The following ATP8A2 variants were observed in gnomAD, a reference collection of about 807,000 sequenced individuals.
The protein encoded by ATP8A2 is ATPase phospholipid transporting 8A2.
Under a neutral mutation model 165.6 loss-of-function variants are expected in ATP8A2, and 100 were observed. The ratio of observed to expected loss-of-function variants is 0.60; its 90% confidence interval spans 0.51 to 0.71. The LOEUF (loss-of-function observed/expected upper bound fraction) is 0.71. Among genes scored for constraint, ATP8A2 ranks in the 30% least tolerant of loss-of-function variants. ATP8A2 has a pLI of 0.00. For synonymous variants in ATP8A2, 543 were observed against 548.8 expected, an observed-to-expected ratio of 0.99 and a Z score of 0.15; for missense variants, 1,227 against 1,479.5, an observed-to-expected ratio of 0.83 and a Z score of 2.80.
At chr13:25,784,926 C>T (rs532823915) in intron 27 of ATP8A2, among the ~76,000 whole-genome samples, 35 of 151,806 alleles carry the variant, frequency 2.3e-4, no homozygotes, top group Non-Finnish European at 4.4e-4. Context: ...CCACCACGCC[C>T]GGCTAATTTT....
intron 30 of ATP8A2, among the ~76,000 whole-genome samples, chr13:25,856,880 T>C (rs1952180943): frequency 6.6e-6 from 1 of 152,226 alleles, no homozygotes; most frequent in Non-Finnish European, 1.5e-5. Flanking sequence ...ACACGACTAG[T>C]ATCATCCTCT....
intron 25 of ATP8A2, among the ~76,000 whole-genome samples, chr13:25,738,038 C>T (rs191117832): frequency 6.6e-6 from 1 of 152,278 alleles, no homozygotes; most frequent in Admixed American, 6.5e-5. Flanking sequence ...AATATGATGC[C>T]TCTTTCTGAG....
intron 35 of ATP8A2, among the ~76,000 whole-genome samples, chr13:25,978,939 CAAAA>C (rs534172122): frequency 7.0e-6 from 1 of 142,714 alleles, no homozygotes; most frequent in Non-Finnish European, 1.5e-5. Context: ...GACTACGGCT[CAAAA>C]AAAAAAGCCT....
intron 27 of ATP8A2, among the ~76,000 whole-genome samples, chr13:25,785,743 G>T (rs897398138): frequency 1.1e-4 from 16 of 152,138 alleles, no homozygotes; most frequent in Non-Finnish European, 2.1e-4. Context: ...CTGCTTTAGG[G>T]TGATAGAAAG....
chr13:25,556,427 G>A (rs1257419990), intron 13 of ATP8A2, among the ~76,000 whole-genome samples: 1 of 152,120 alleles, frequency 6.6e-6, no homozygotes, highest in African/African-American at 2.4e-5. Flanking sequence ...GAGAATGTCT[G>A]TTCATGTCTT....
At chr13:25,400,257 A>G (rs907694341) in intron 1 of ATP8A2, among the ~76,000 whole-genome samples, 1 of 152,220 alleles carries the variant, frequency 6.6e-6, no homozygotes, top group East Asian at 1.9e-4. Context: ...AGCATTCCAC[A>G]TAAATGACTT....
At chr13:25,868,366 G>A (rs895042328) in intron 33 of ATP8A2, among the ~76,000 whole-genome samples, 5 of 152,178 alleles carry the variant, frequency 3.3e-5, no homozygotes, top group Admixed American at 6.5e-5. Flanking sequence ...TTTTCCTCAA[G>A]TATCGTATTT....
chr13:25,760,599 A>G (rs1224779528), intron 25 of ATP8A2, among the ~76,000 whole-genome samples: 3 of 152,216 alleles, frequency 2.0e-5, no homozygotes, highest in Admixed American at 6.5e-5. Flanking sequence ...TTTTGTGTGT[A>G]TATGTTGGGA....
intron 25 of ATP8A2, among the ~76,000 whole-genome samples, chr13:25,737,105 G>T (rs2043788794): frequency 6.6e-6 from 1 of 152,152 alleles, no homozygotes; most frequent in South Asian, 2.1e-4. Flanking sequence ...CAAGAGGCAA[G>T]AAGTGAAGAC....
intron 24 of ATP8A2, among the ~76,000 whole-genome samples, chr13:25,651,368 G>A (rs1168765493): frequency 2.0e-5 from 3 of 151,806 alleles, no homozygotes; most frequent in African/African-American, 2.4e-5. Flanking sequence ...ACTTGAACTC[G>A]GGAGGCAGAG....
chr13:25,848,449 T>C (rs1361762235), intron 30 of ATP8A2, among the ~76,000 whole-genome samples: 1 of 152,254 alleles, frequency 6.6e-6, no homozygotes, highest in Non-Finnish European at 1.5e-5. Flanking sequence ...CACTTAGTTG[T>C]GTACCCAGGA....
intron 2 of ATP8A2, among the ~76,000 whole-genome samples, chr13:25,497,918 C>T (rs1218285586): frequency 4.6e-5 from 7 of 152,008 alleles, no homozygotes; most frequent in Admixed American, 2.6e-4. Flanking sequence ...GCCGAGATCG[C>T]GCCACTGCAC....
chr13:25,480,233 G>GACGA (rs2036130725), intron 2 of ATP8A2, among the ~76,000 whole-genome samples: 1 of 150,936 alleles, frequency 6.6e-6, no homozygotes, highest in Non-Finnish European at 1.5e-5. Context: ...TCACTTCCCA[G>GACGA]TAGGGGCGGC....
At chr13:25,500,014 C>A (rs1283487146) in intron 2 of ATP8A2, among the ~76,000 whole-genome samples, 2 of 152,108 alleles carry the variant, frequency 1.3e-5, no homozygotes, top group African/African-American at 4.8e-5. Context: ...AGCTGAAACT[C>A]CCCAAACATG....
intron 24 of ATP8A2, among the ~76,000 whole-genome samples, chr13:25,623,401 T>C (rs980732704): frequency 2.2e-4 from 33 of 151,218 alleles, no homozygotes; most frequent in African/African-American, 7.3e-4. Flanking sequence ...GTCTCCACAA[T>C]AGCAACAACA....
At chr13:25,734,370 T>A (rs930179293) in intron 25 of ATP8A2, among the ~76,000 whole-genome samples, 2 of 152,182 alleles carry the variant, frequency 1.3e-5, no homozygotes, top group African/African-American at 2.4e-5. Flanking sequence ...ACTTTTCCCA[T>A]CTTCAGTTTA....
chr13:25,831,495 G>C (rs1218801689), intron 28 of ATP8A2, among the ~76,000 whole-genome samples: 1 of 152,122 alleles, frequency 6.6e-6, no homozygotes, highest in East Asian at 1.9e-4. Context: ...TTACAGGCAT[G>C]AGCCACCACA....
At chr13:25,424,996 A>G (rs2034404305) in intron 1 of ATP8A2, among the ~76,000 whole-genome samples, 1 of 152,206 alleles carries the variant, frequency 6.6e-6, no homozygotes, top group Non-Finnish European at 1.5e-5. Context: ...TATGTCATTA[A>G]AGATGTTTCC....
chr13:25,999,542 A>G (rs1031157965), intron 35 of ATP8A2, among the ~76,000 whole-genome samples: 3 of 152,076 alleles, frequency 2.0e-5, no homozygotes, highest in African/African-American at 7.2e-5. Context: ...CCCTGCTCCA[A>G]GTTCTTCACT....
Sources: gnomAD v4.1 joint callset for allele counts (sites outside exome capture counted in the v4.1 genomes callset) on GRCh38, gnomAD v4.1.1 for gene constraint, MANE v1.5 for transcripts, NCBI Gene and HGNC (gene_info 2026-07-23, HGNC 2026-07-21) for gene names.